NOVA2: variants seen among roughly 807,000 people sequenced by gnomAD.
The protein encoded by NOVA2 is RNA-binding protein Nova-2.
A neutral mutation model predicts 22.5 loss-of-function variants in NOVA2; 9 were observed. The observed-to-expected ratio is 0.40, with a 90% CI of 0.24 to 0.70. NOVA2 has a LOEUF of 0.70. Ranked by LOEUF, NOVA2 falls within the 30% of genes least tolerant of loss-of-function variation. The pLI is 0.38. For missense variants in NOVA2, 383 were observed against 682.8 expected (o/e 0.56, Z 4.89); for synonymous variants, 318 against 335.2 (o/e 0.95, Z 0.56).
rs1967644577 is a variant in NOVA2, at chr19:45,935,741, T to C, written c.*4122A>G. ...GGGACTCCTCTCATTTTCCAAACAATTGGCCACCAATCAAAACAAAGTAAG... is the reference window on the plus strand; with the variant it reads ...GGGACTCCTCTCATTTTCCAAACAACTGGCCACCAATCAAAACAAAGTAAG... On this transcript the variant is annotated 3_prime_UTR_variant, in exon 4 of 4. Transcript: ENST00000263257. 1.3e-5 allele frequency: 2 copies of C among 152,234 alleles called. No homozygotes were observed. The highest frequency in any genetic ancestry group is 2.4e-5 in the African/African-American group (1 of 41,396). The allele number at this position is 152,234 out of a possible 1,614,324, so 9.4% of individuals were successfully genotyped here. A position where few individuals can be genotyped will look rare whatever the true frequency, so the allele number is the denominator to read the frequency against.
chr19:45,945,832 ATTATTAT>A (rs1242927247), intron 3 of NOVA2, among the ~76,000 whole-genome samples: 16 of 148,578 alleles, frequency 1.1e-4, no homozygotes, highest in African/African-American at 4.0e-4. Flanking sequence ...TATTATTATT[ATTATTAT>A]TTTTTTTTTT....
intron 2 of NOVA2, among the ~76,000 whole-genome samples, chr19:45,960,767 A>G (rs116325509): frequency 0.026 from 3,947 of 152,258 alleles, 176 homozygotes; most frequent in African/African-American, 0.091. Context: ...CTGCCAGCGC[A>G]TCATGCAAAT....
intron 3 of NOVA2, among the ~76,000 whole-genome samples, chr19:45,950,032 C>T (rs948254088): frequency 8.6e-5 from 13 of 151,952 alleles, no homozygotes; most frequent in African/African-American, 3.1e-4. Flanking sequence ...TGAGCCACTA[C>T]GTCCAGCCTC....
intron 3 of NOVA2, among the ~76,000 whole-genome samples, chr19:45,949,437 T>C (rs986494317): frequency 2.6e-5 from 4 of 152,102 alleles, no homozygotes; most frequent in African/African-American, 9.7e-5. Context: ...TGCAGTATTT[T>C]AGAGCAGTGA....
intron 2 of NOVA2, among the ~76,000 whole-genome samples, chr19:45,958,394 CAT>C (rs1268998993): frequency 1.3e-5 from 2 of 148,200 alleles, no homozygotes; most frequent in East Asian, 3.9e-4. Context: ...TGTGTGGGAG[CAT>C]GTGTGTGAGT....
chr19:45,955,491 G>A (rs1295086805), intron 2 of NOVA2, among the ~76,000 whole-genome samples: 2 of 152,082 alleles, frequency 1.3e-5, no homozygotes, highest in Non-Finnish European at 2.9e-5. Flanking sequence ...TGGGTGAGCC[G>A]GGATGTGTGT....
chr19:45,973,147 G>C, intron 1 of NOVA2, 120 bp downstream of exon 1: 1 of 238,844 alleles, frequency 4.2e-6, no homozygotes, highest in South Asian at 4.7e-5. Context: ...CCCCCGCCTC[G>C]GGGAGGGGTG....
intron 3 of NOVA2, 31 bp from the exon 4 acceptor site, chr19:45,940,976 A>G: frequency 1.9e-6 from 3 of 1,545,550 alleles, no homozygotes; most frequent in Non-Finnish European, 2.6e-6. Context: ...AGGGTCTTTA[A>G]TTTTATTTTT....
chr19:45,955,581 C>T lies in NOVA2; in HGVS notation c.230-1635G>A, dbSNP rs1397841234. Among the ~76,000 whole-genome samples the T allele has an allele frequency of 3.9e-5, 6 of 151,980 alleles. No individual in the cohort carries two copies. The East Asian group carries it at 7.7e-4, about 20-fold the overall frequency. On this transcript the variant is annotated intron_variant, in intron 2 of 3. Coordinates refer to ENST00000263257, the MANE Select transcript of NOVA2 (RefSeq NM_002516.4). ...GAATGTAAAAGGTCTTGAGTGTGGC[C>T]GGGTGCGGTGGCTCACGCTTGAAAC...
intron 1 of NOVA2, among the ~76,000 whole-genome samples, chr19:45,962,786 A>G (rs1045186546): frequency 2.0e-5 from 3 of 151,958 alleles, no homozygotes; most frequent in Admixed American, 2.0e-4. Context: ...AGCTGGGACT[A>G]CAGGCGCCCG....
At chr19:45,972,895 C>T (rs1346663798) in intron 1 of NOVA2, among the ~76,000 whole-genome samples, 2 of 152,114 alleles carry the variant, frequency 1.3e-5, no homozygotes, top group African/African-American at 4.8e-5. Context: ...TACTCCTTCC[C>T]CTCCCCCAGC....
In NOVA2 at chr19:45,934,735, T is replaced by G. The variant is rs1400312684; in HGVS notation, c.*5128A>C. The G allele has an allele frequency of 1.3e-5, 2 of 151,836 alleles. No individual in the cohort carries two copies. Among genetic ancestry groups the G allele is most frequent in the Non-Finnish European group, 2.9e-5 (2 of 68,036 alleles). 9.4% of individuals were successfully genotyped at this position (151,836 alleles called of 1,614,324 possible). A position where few individuals can be genotyped will look rare whatever the true frequency, so the allele number is the denominator to read the frequency against. On this transcript the variant is annotated 3_prime_UTR_variant, in exon 4 of 4. Coordinates refer to ENST00000263257, the MANE Select transcript of NOVA2 (RefSeq NM_002516.4). The stretch of plus-strand genomic sequence containing the variant: ...CGAAGGAGGGGGTCAGAGTGAGCGC[T>G]CCATTTGAGGGAGGCCACGCCCCTG...
intron 1 of NOVA2, among the ~76,000 whole-genome samples, chr19:45,962,825 T>C (rs531224747): frequency 1.8e-4 from 28 of 151,566 alleles, no homozygotes; most frequent in African/African-American, 6.8e-4. Flanking sequence ...TTTTTGTATT[T>C]TTCGTAGAGA....
At chr19:45,952,756 C>A (rs556479826) in intron 3 of NOVA2, among the ~76,000 whole-genome samples, 8 of 152,222 alleles carry the variant, frequency 5.3e-5, no homozygotes, top group African/African-American at 1.7e-4. Flanking sequence ...AGCGTCCGCG[C>A]TACACGCCCC....
In NOVA2 at chr19:45,940,274, A is replaced by G. The variant is rs1967727339; in HGVS notation, c.1068T>C (p.Phe356=). 7.2e-6 allele frequency: 8 copies of G among 1,106,226 alleles called. No individual in the cohort carries two copies. The Admixed American group carries it at 4.1e-4, about 57-fold the overall frequency. The allele number at this position is 1,106,226 out of a possible 1,614,324, so 68.5% of individuals were successfully genotyped here. A position where few individuals can be genotyped will look rare whatever the true frequency, so the allele number is the denominator to read the frequency against. ...PPPPPGALGS[F]ALAAAANGYL... ...AGCCGTTGGCGGCTGCGGCCAACGC[A>G]AAGGACCCCAGGGCTCCGGGAGGCG... Residue 356 remains phenylalanine (F), a synonymous_variant, in exon 4 of 4, where the codon TTT becomes TTC. Transcript: ENST00000263257.
chr19:45,948,861 G>C (rs1967881054), intron 3 of NOVA2, among the ~76,000 whole-genome samples: 1 of 152,074 alleles, frequency 6.6e-6, no homozygotes, highest in Non-Finnish European at 1.5e-5. Flanking sequence ...ACTCATCATA[G>C]CTAAAAAGGA....
In NOVA2 at chr19:45,940,662, G is replaced by T; in HGVS notation, c.680C>A (p.Thr227Asn). The T allele has an allele frequency of 6.3e-7, 1 of 1,581,360 alleles. No homozygotes were observed. The change falls in exon 4 of 4, where the codon ACC becomes AAC. Residue 227 changes from threonine (T) to asparagine (N), a missense_variant. Physicochemically the swap from Thr to Asn is moderately conservative, Grantham distance 65. Transcript: ENST00000263257. ...VAGPVANSNP[T>N]GSPYASPADV... is the part of the protein sequence containing the mutation. ...CGCGGGGCTGGCGTACGGAGAGCCG[G>T]TGGGGTTGGAGTTGGCCACGGGGCC...
chr19:45,961,531 G>C (rs370299053), intron 1 of NOVA2, among the ~76,000 whole-genome samples: 2 of 152,088 alleles, frequency 1.3e-5, no homozygotes, highest in Non-Finnish European at 2.9e-5. Flanking sequence ...GGCAGGAAAA[G>C]GGGGTCAGGG....
chr19:45,964,561 A>ATCTC (rs141748431), intron 1 of NOVA2, among the ~76,000 whole-genome samples: 4,155 of 137,090 alleles, frequency 0.03, 216 homozygotes, highest in African/African-American at 0.1. Flanking sequence ...ACACTCTCTG[A>ATCTC]TCTCTCTCTC....
Sources: allele counts gnomAD v4.1 joint callset (sites outside exome capture counted in the v4.1 genomes callset), GRCh38; gene constraint gnomAD v4.1.1; transcripts MANE v1.5; gene names NCBI Gene and HGNC (gene_info 2026-07-23, HGNC 2026-07-21).